Variants in SORCS3 observed in about 807,000 individuals in gnomAD.
The protein encoded by SORCS3 is VPS10 domain-containing receptor SorCS3.
Under a neutral mutation model 146.3 loss-of-function variants are expected in SORCS3, and 57 were observed. The observed-to-expected ratio is 0.39, with a 90% CI of 0.31 to 0.49. SORCS3 has a LOEUF of 0.49. Among genes scored for constraint, SORCS3 ranks in the 20% least tolerant of loss-of-function variants. SORCS3 has a pLI of 0.92. For synonymous variants in SORCS3, 653 were observed against 618.5 expected (o/e 1.06, Z -0.83); for missense variants, 1,341 against 1,575.5 (o/e 0.85, Z 2.52).
At position 104,701,383 on chromosome 10, in the gene SORCS3, T is replaced by G. The variant is rs77111091; in HGVS notation, c.627+59429T>G. On this transcript the variant is annotated intron_variant, in intron 1 of 26. Transcript: ENST00000369701. Reference sequence around the variant, plus strand: ...GTGGCAAAACTGAAAGACAGAAAATTGCACTCTTAATTACAAATCAGTTTT... The same window carrying G: ...GTGGCAAAACTGAAAGACAGAAAATGGCACTCTTAATTACAAATCAGTTTT... 7.4e-3 allele frequency among the ~76,000 whole-genome samples: 1,125 copies of G among 152,308 alleles called. 10 individuals are homozygous for G. Among genetic ancestry groups the G allele is most frequent in the African/African-American group, 0.025 (1,038 of 41,566 alleles).
chr10:105,147,578 G>A, intron 8 of SORCS3, 39 bp from the exon 9 acceptor site: 1 of 1,560,972 alleles, frequency 6.4e-7, no homozygotes, highest in South Asian at 1.2e-5. Context: ...AGAGAGATAT[G>A]GAGATCTGCT....
At chr10:104,715,254 C>A (rs564770724) in intron 1 of SORCS3, among the ~76,000 whole-genome samples, 1 of 152,262 alleles carries the variant, frequency 6.6e-6, no homozygotes, top group African/African-American at 2.4e-5. Context: ...GGGTGGGCAT[C>A]ATCCAATCTG....
chr10:105,018,563 C>T lies in SORCS3; in HGVS notation c.955-24492C>T, dbSNP rs2055181420. 9.9e-5 allele frequency among the ~76,000 whole-genome samples: 15 copies of T among 152,162 alleles called. 1 individual carries two copies. The stretch of plus-strand genomic sequence containing the variant: ...AATATAAAACACAGATATGTTGCTC[C>T]TTGTAGAAATGTGGATTTGACATTT... On this transcript the variant is annotated intron_variant, in intron 4 of 26. Coordinates refer to ENST00000369701, the MANE Select transcript of SORCS3 (RefSeq NM_014978.3).
At chr10:105,212,101 A>G (rs1301845234) in intron 17 of SORCS3, among the ~76,000 whole-genome samples, 4 of 152,156 alleles carry the variant, frequency 2.6e-5, no homozygotes, top group African/African-American at 9.7e-5. Flanking sequence ...TGCTTTTGTC[A>G]TAGCTAGTTG....
chr10:104,977,316 C>A lies in SORCS3; in HGVS notation c.796-19C>A. On this transcript the variant is annotated intron_variant, in intron 3 of 26. Transcript: ENST00000369701. ...TCCTACTAACTCTGTCTGTATATGTCCCTCTATCCTTTCTTTAGATTATGC... is the reference window on the plus strand; with the variant it reads ...TCCTACTAACTCTGTCTGTATATGTACCTCTATCCTTTCTTTAGATTATGC... 2 of 1,590,532 alleles carry A rather than the reference C, an allele frequency of 1.3e-6. No homozygotes were observed. Among genetic ancestry groups the A allele is most frequent in the South Asian group, 1.1e-5 (1 of 87,546 alleles).
chr10:104,646,712 T>C (rs2015499720), intron 1 of SORCS3, among the ~76,000 whole-genome samples: 1 of 151,952 alleles, frequency 6.6e-6, no homozygotes, highest in African/African-American at 2.4e-5. Flanking sequence ...AGGGAGAAAA[T>C]GTCAAAGGAG....
chr10:105,195,525 A>C (rs1190442854), intron 14 of SORCS3, among the ~76,000 whole-genome samples: 1 of 152,218 alleles, frequency 6.6e-6, no homozygotes, highest in Non-Finnish European at 1.5e-5. Flanking sequence ...AATTTGAATT[A>C]GTTCTTAATT....
intron 4 of SORCS3, among the ~76,000 whole-genome samples, chr10:105,011,126 A>T (rs1317429783): frequency 6.6e-6 from 1 of 152,202 alleles, no homozygotes; most frequent in Non-Finnish European, 1.5e-5. Context: ...ATAGGAAACC[A>T]GGCTAAAAAG....
At chr10:105,216,640 GTGAAACCCTTGGC>G (rs895413168) in intron 18 of SORCS3, among the ~76,000 whole-genome samples, 1 of 152,196 alleles carries the variant, frequency 6.6e-6, no homozygotes, top group Non-Finnish European at 1.5e-5. Context: ...GAGGGAGTCA[GTGAAACCCTTGGC>G]TTCCCTTCAG....
At chr10:104,906,048 C>T (rs2018901710) in intron 2 of SORCS3, among the ~76,000 whole-genome samples, 1 of 152,122 alleles carries the variant, frequency 6.6e-6, no homozygotes, top group African/African-American at 2.4e-5. Context: ...GGCGGCTGCA[C>T]ATTTTATCCT....
intron 5 of SORCS3, among the ~76,000 whole-genome samples, chr10:105,059,458 G>A (rs1012831989): frequency 2.0e-5 from 3 of 152,032 alleles, no homozygotes; most frequent in Non-Finnish European, 2.9e-5. Flanking sequence ...CATGAATGAG[G>A]TTACTGATTT....
At chr10:105,026,190 G>A (rs183871235) in intron 4 of SORCS3, among the ~76,000 whole-genome samples, 3 of 152,022 alleles carry the variant, frequency 2.0e-5, no homozygotes, top group South Asian at 2.1e-4. Context: ...CATCTTATTG[G>A]TGTTACCTCC....
intron 7 of SORCS3, among the ~76,000 whole-genome samples, chr10:105,112,521 A>G (rs912882516): frequency 1.3e-5 from 2 of 152,154 alleles, no homozygotes; most frequent in Non-Finnish European, 2.9e-5. Context: ...TTCCTACTCT[A>G]TTGGAGAAGC....
intron 19 of SORCS3, among the ~76,000 whole-genome samples, chr10:105,222,350 G>A (rs1180323211): frequency 6.6e-6 from 1 of 151,992 alleles, no homozygotes; most frequent in African/African-American, 2.4e-5. Flanking sequence ...GAGCCACCGC[G>A]CCCGGCCGCA....
intron 7 of SORCS3, among the ~76,000 whole-genome samples, chr10:105,116,940 C>T (rs965674175): frequency 6.6e-6 from 1 of 152,034 alleles, no homozygotes; most frequent in African/African-American, 2.4e-5. Context: ...AGGTACTATA[C>T]TTATTACCTG....
At chr10:105,033,357 G>A (rs2055283210) in intron 4 of SORCS3, among the ~76,000 whole-genome samples, 2 of 152,194 alleles carry the variant, frequency 1.3e-5, no homozygotes, top group African/African-American at 4.8e-5. Context: ...TCAAATTCCA[G>A]CTCTACAGCT....
chr10:104,787,233 C>G (rs189396152), intron 1 of SORCS3, among the ~76,000 whole-genome samples: 3 of 152,118 alleles, frequency 2.0e-5, no homozygotes, highest in African/African-American at 7.2e-5. Context: ...GGAGGATAAT[C>G]ATATTCTTGG....
intron 1 of SORCS3, among the ~76,000 whole-genome samples, chr10:104,793,331 G>T (rs1258815445): frequency 1.3e-5 from 2 of 152,118 alleles, no homozygotes; most frequent in Non-Finnish European, 2.9e-5. Context: ...AATACTTCTA[G>T]TTTTTTATGG....
At chr10:105,045,893 C>G (rs1282333007) in intron 5 of SORCS3, among the ~76,000 whole-genome samples, 1 of 152,122 alleles carries the variant, frequency 6.6e-6, no homozygotes, top group African/African-American at 2.4e-5. Flanking sequence ...TTGCTGGGCA[C>G]AAATGTGAAT....
Sources: gnomAD v4.1 joint callset for allele counts (sites outside exome capture counted in the v4.1 genomes callset) on GRCh38, gnomAD v4.1.1 for gene constraint, MANE v1.5 for transcripts, NCBI Gene and HGNC (gene_info 2026-07-23, HGNC 2026-07-21) for gene names.